KCNIP4: variants seen among roughly 807,000 people sequenced by gnomAD.
KCNIP4 encodes Kv channel-interacting protein 4.
A neutral mutation model predicts 34.0 loss-of-function variants in KCNIP4; 12 were observed. The observed-to-expected ratio is 0.35, with a 90% CI of 0.23 to 0.57. The LOEUF is 0.57. KCNIP4 is among the 20% of genes least tolerant of loss of function. The probability of loss-of-function intolerance (pLI) is 0.83; values close to 1 mark genes in which losing one functional copy is unlikely to be tolerated. For synonymous variants in KCNIP4, 124 were observed against 102.2 expected, an observed-to-expected ratio of 1.21 and a Z score of -1.29; for missense variants, 238 against 311.7, an observed-to-expected ratio of 0.76 and a Z score of 1.78.
chr4:21,582,843 GT>G (rs1741336926), intron 1 of KCNIP4, among the ~76,000 whole-genome samples: 1 of 151,890 alleles, frequency 6.6e-6, no homozygotes, highest in Admixed American at 6.6e-5. Flanking sequence ...CATTTAGCTA[GT>G]CACTCAAGCA....
At chr4:20,890,943 T>G (rs940924192) in intron 1 of KCNIP4, among the ~76,000 whole-genome samples, 11 of 152,176 alleles carry the variant, frequency 7.2e-5, no homozygotes, top group African/African-American at 2.7e-4. Context: ...CTGGCTGCTT[T>G]TTGTGTTACA....
At position 21,512,036 on chromosome 4, in the gene KCNIP4, A is replaced by G. The variant is rs112836519; in HGVS notation, c.61+436535T>C. On this transcript the variant is annotated intron_variant, in intron 1 of 8. Transcript: ENST00000382152. ...TAGGGAAAGAGGGAGGAAGAGAAGG[A>G]AGGAGGGAAGGAAAAAGAATGAAGG... 1.3e-3 allele frequency among the ~76,000 whole-genome samples: 192 copies of G among 148,410 alleles called. 1 individual carries two copies. Among genetic ancestry groups the G allele is most frequent in the African/African-American group, 4.5e-3 (180 of 40,154 alleles).
chr4:21,631,265 G>A (rs6448064), intron 1 of KCNIP4, among the ~76,000 whole-genome samples: 127,753 of 152,180 alleles, frequency 0.84, 54,093 homozygotes, highest in East Asian at 0.97. Context: ...TGGTTTGAAT[G>A]AATGTACTTA....
rs35231092 is a variant in KCNIP4 at position 21,692,827 on chromosome 4, A to ATTTTT, written c.61+255739_61+255743dup. ...GAACTGGGAAATAGAAAATCCTGTC[A>ATTTTT]TTTTTTTTTTTTTTTTTTTTTTTGC... On this transcript the variant is annotated intron_variant, in intron 1 of 8. Transcript: ENST00000382152. 3.1e-3 allele frequency among the ~76,000 whole-genome samples: 272 copies of ATTTTT among 87,258 alleles called. 9 individuals are homozygous for ATTTTT. The highest frequency in any genetic ancestry group is 0.011 in the African/African-American group (253 of 22,232). 57.2% of individuals were successfully genotyped at this position (87,258 alleles called of 152,430 possible). A position where few individuals can be genotyped will look rare whatever the true frequency, so the allele number is the denominator to read the frequency against.
chr4:20,882,282 A>G (rs17557461), intron 2 of KCNIP4, among the ~76,000 whole-genome samples: 18,906 of 152,184 alleles, frequency 0.12, 1,372 homozygotes, highest in Middle Eastern at 0.18. Context: ...CATATGTTAA[A>G]GTGTCCAGCT....
Position 21,061,773 on chromosome 4 carries a change from A to T in KCNIP4, c.62-179064T>A, listed in dbSNP as rs1032288556. On this transcript the variant is annotated intron_variant, in intron 1 of 8. Coordinates refer to ENST00000382152, the MANE Select transcript of KCNIP4 (RefSeq NM_025221.6). ...TTGAAGCCTTAGTTCCCAGTATCTC[A>T]GAATGTGACTGTATTTGGAAATGGG... Among the ~76,000 whole-genome samples, 10 of 152,314 alleles carry T rather than the reference A, an allele frequency of 6.6e-5. No individual in the cohort carries two copies. The South Asian group carries it at 2.1e-3, about 32-fold the overall frequency.
chr4:21,270,034 C>G (rs1762047034), intron 1 of KCNIP4, among the ~76,000 whole-genome samples: 1 of 152,128 alleles, frequency 6.6e-6, no homozygotes, highest in Non-Finnish European at 1.5e-5. Flanking sequence ...GTACTTAACT[C>G]AATAAGCAAA....
chr4:21,037,247 GTA>G (rs1015258129), intron 1 of KCNIP4, among the ~76,000 whole-genome samples: 5 of 152,140 alleles, frequency 3.3e-5, no homozygotes, highest in African/African-American at 1.2e-4. Flanking sequence ...TGTACAGTGT[GTA>G]TAAAGTCTAC....
intron 1 of KCNIP4, among the ~76,000 whole-genome samples, chr4:21,247,820 T>TATAC (rs767314805): frequency 0.034 from 3,419 of 100,918 alleles, 223 homozygotes; most frequent in African/African-American, 0.089. Flanking sequence ...TATATATATA[T>TATAC]ACACACACAC....
chr4:21,873,187 C>G (rs1385248611), intron 1 of KCNIP4, among the ~76,000 whole-genome samples: 1 of 152,122 alleles, frequency 6.6e-6, no homozygotes, highest in Non-Finnish European at 1.5e-5. Context: ...TTAATTTATT[C>G]AACAAAGATT....
rs188184940 is a variant in KCNIP4, at chr4:21,091,511, C to T, written c.62-208802G>A. On this transcript the variant is annotated intron_variant, in intron 1 of 8. Coordinates refer to ENST00000382152, the MANE Select transcript of KCNIP4 (RefSeq NM_025221.6). Reference sequence around the variant, plus strand: ...TTTCATAACTAGTAAATCCCTTTACCGAGTGTTGTCAAACATATGTCATCC... The same window carrying T: ...TTTCATAACTAGTAAATCCCTTTACTGAGTGTTGTCAAACATATGTCATCC... Among the ~76,000 whole-genome samples, 125 of 152,188 alleles carry T rather than the reference C, an allele frequency of 8.2e-4. 1 individual carries two copies. The highest frequency in any genetic ancestry group is 2.7e-3 in the African/African-American group (114 of 41,530).
chr4:21,624,431 G>GA (rs1745190808), intron 1 of KCNIP4, among the ~76,000 whole-genome samples: 1 of 152,060 alleles, frequency 6.6e-6, no homozygotes, highest in African/African-American at 2.4e-5. Flanking sequence ...AGTGGGTGTG[G>GA]AATAGATGAC....
At chr4:21,298,567 A>G (rs1375351553) in intron 1 of KCNIP4, among the ~76,000 whole-genome samples, 1 of 151,908 alleles carries the variant, frequency 6.6e-6, no homozygotes, top group Non-Finnish European at 1.5e-5. Context: ...CAGCCATCCC[A>G]TTTGTCTCCC....
intron 1 of KCNIP4, among the ~76,000 whole-genome samples, chr4:21,477,714 GT>G (rs1731103840): frequency 6.6e-6 from 1 of 152,188 alleles, no homozygotes; most frequent in South Asian, 2.1e-4. Flanking sequence ...ATGAATGGGT[GT>G]TATAATTAAT....
At chr4:21,884,656 T>C (rs1384866555) in intron 1 of KCNIP4, among the ~76,000 whole-genome samples, 1 of 152,098 alleles carries the variant, frequency 6.6e-6, no homozygotes, top group Non-Finnish European at 1.5e-5. Context: ...AGAGAATCCA[T>C]TAAGCAGGTG....
intron 1 of KCNIP4, among the ~76,000 whole-genome samples, chr4:21,058,809 T>A (rs1162498908): frequency 6.6e-6 from 1 of 152,170 alleles, no homozygotes; most frequent in African/African-American, 2.4e-5. Flanking sequence ...TGTAGAGAGC[T>A]GTCTTGCCCA....
chr4:21,622,038 G>A (rs1247918823), intron 1 of KCNIP4, among the ~76,000 whole-genome samples: 1 of 152,180 alleles, frequency 6.6e-6, no homozygotes, highest in Admixed American at 6.5e-5. Flanking sequence ...CCTTTCAACT[G>A]TGAGTGCTGG....
intron 1 of KCNIP4, among the ~76,000 whole-genome samples, chr4:21,524,107 G>C (rs569582571): frequency 8.3e-4 from 126 of 152,062 alleles, no homozygotes; most frequent in Non-Finnish European, 1.1e-3. Context: ...AAAGAATGGA[G>C]AGACATAGAC....
At chr4:21,818,448 G>T (rs1722121578) in intron 1 of KCNIP4, among the ~76,000 whole-genome samples, 1 of 152,174 alleles carries the variant, frequency 6.6e-6, no homozygotes, top group African/African-American at 2.4e-5. Context: ...CCAGTGGCCT[G>T]CCCTAATTGA....
Sources: allele counts gnomAD v4.1 joint callset (sites outside exome capture counted in the v4.1 genomes callset), GRCh38; gene constraint gnomAD v4.1.1; transcripts MANE v1.5; gene names NCBI Gene and HGNC (gene_info 2026-07-23, HGNC 2026-07-21).